FAF1: variants seen among roughly 807,000 people sequenced by gnomAD.
FAF1 encodes FAS-associated factor 1.
FAF1 carries 25 observed loss-of-function variants against 92.5 expected under a neutral mutation model. The observed-to-expected ratio is 0.27, with a 90% CI of 0.20 to 0.38. The LOEUF is 0.38. Among genes scored for constraint, FAF1 ranks in the 10% least tolerant of loss-of-function variants. The pLI is 1.00. For synonymous variants in FAF1, 234 were observed against 273.2 expected, an observed-to-expected ratio of 0.86 and a Z score of 1.42; for missense variants, 636 against 793.3, an observed-to-expected ratio of 0.80 and a Z score of 2.38.
At chr1:50,803,056 TGAC>T (rs1201471065) in intron 2 of FAF1, among the ~76,000 whole-genome samples, 1 of 152,228 alleles carries the variant, frequency 6.6e-6, no homozygotes, top group Non-Finnish European at 1.5e-5. Context: ...CACAGAACCC[TGAC>T]GACTCTGGAG....
chr1:50,446,990 C>CTTTTTTTTTTTTTTTTTTTTTTTGAG (rs1572746894), intron 18 of FAF1, among the ~76,000 whole-genome samples: 5 of 151,218 alleles, frequency 3.3e-5, no homozygotes, highest in Non-Finnish European at 7.4e-5. Context: ...TAATAATTTT[C>CTTTTTTTTTTTTTTTTTTTTTTTGAG]ATAGTAACTC....
chr1:50,895,708 T>C (rs1473122521), intron 1 of FAF1, among the ~76,000 whole-genome samples: 1 of 152,196 alleles, frequency 6.6e-6, no homozygotes. Flanking sequence ...CAAGTGATAT[T>C]TATCCCAGAG....
intron 6 of FAF1, among the ~76,000 whole-genome samples, chr1:50,728,194 T>G (rs948511576): frequency 6.6e-6 from 1 of 152,118 alleles, no homozygotes; most frequent in Admixed American, 6.5e-5. Context: ...CTGTTTTAGA[T>G]AGGGGCATCA....
At chr1:50,706,920 T>G (rs1416558081) in intron 6 of FAF1, among the ~76,000 whole-genome samples, 1 of 152,156 alleles carries the variant, frequency 6.6e-6, no homozygotes, top group African/African-American at 2.4e-5. Context: ...ATTAGACAGA[T>G]AGGACGGGCA....
chr1:50,520,258 T>C lies in FAF1; in HGVS notation c.1494+15111A>G, dbSNP rs547026480. Among the ~76,000 whole-genome samples the C allele has an allele frequency of 2.4e-4, 36 of 152,314 alleles. No individual in the cohort carries two copies. The South Asian group carries it at 3.9e-3, about 17-fold the overall frequency. ...AGAATAACCAGGGTCAAGGCAAATC[T>C]GTAACTGGAAGAAAAATGCCAGATA... On this transcript the variant is annotated intron_variant, in intron 15 of 18. Coordinates refer to ENST00000396153, the MANE Select transcript of FAF1 (RefSeq NM_007051.3).
At chr1:50,804,080 A>C (rs2124596114) in intron 2 of FAF1, among the ~76,000 whole-genome samples, 1 of 152,306 alleles carries the variant, frequency 6.6e-6, no homozygotes, top group Middle Eastern at 3.4e-3. Flanking sequence ...ACAGGAGAAT[A>C]TCAATTGTTC....
intron 18 of FAF1, among the ~76,000 whole-genome samples, chr1:50,468,588 T>C (rs1200111222): frequency 6.6e-6 from 1 of 151,980 alleles, no homozygotes; most frequent in Non-Finnish European, 1.5e-5. Flanking sequence ...GCCTCCCAAG[T>C]AGCTGGGATT....
intron 8 of FAF1, among the ~76,000 whole-genome samples, chr1:50,598,463 A>T (rs930631474): frequency 1.0e-4 from 10 of 98,290 alleles, no homozygotes; most frequent in East Asian, 5.6e-4. Flanking sequence ...ACCTGTCTTT[A>T]AAAAAAAAAA....
At chr1:50,912,600 C>G (rs1644893621) in intron 1 of FAF1, among the ~76,000 whole-genome samples, 1 of 152,184 alleles carries the variant, frequency 6.6e-6, no homozygotes, top group Non-Finnish European at 1.5e-5. Context: ...TCACAACCTA[C>G]ACAGATGCTT....
At chr1:50,625,042 C>T (rs1209542909) in intron 8 of FAF1, among the ~76,000 whole-genome samples, 1 of 151,868 alleles carries the variant, frequency 6.6e-6, no homozygotes, top group Non-Finnish European at 1.5e-5. Context: ...GCTGGGATTA[C>T]AGGCGTGCAC....
intron 7 of FAF1, among the ~76,000 whole-genome samples, chr1:50,692,372 G>A (rs936971624): frequency 1.3e-4 from 19 of 150,988 alleles, no homozygotes; most frequent in Non-Finnish European, 2.4e-4. Context: ...CCTGCTGTAC[G>A]AAAGACCATT....
At chr1:50,489,726 A>G (rs1299669844) in intron 17 of FAF1, among the ~76,000 whole-genome samples, 3 of 152,208 alleles carry the variant, frequency 2.0e-5, no homozygotes, top group South Asian at 2.1e-4. Flanking sequence ...GAAAAAATCA[A>G]TGAAGCTAAA....
chr1:50,615,645 A>C, intron 8 of FAF1, among the ~76,000 whole-genome samples: 1 of 151,882 alleles, frequency 6.6e-6, no homozygotes, highest in Non-Finnish European at 1.5e-5. Context: ...TATGTTTGTT[A>C]GCTGCTTATA....
chr1:50,702,073 C>T (rs1657498304), intron 7 of FAF1, among the ~76,000 whole-genome samples: 2 of 152,106 alleles, frequency 1.3e-5, no homozygotes, highest in South Asian at 4.1e-4. Flanking sequence ...ATGACATCTA[C>T]AAAGAAAACA....
chr1:50,537,114 C>G (rs986712490), intron 14 of FAF1, among the ~76,000 whole-genome samples: 1 of 152,042 alleles, frequency 6.6e-6, no homozygotes, highest in Non-Finnish European at 1.5e-5. Flanking sequence ...TATTATTGGG[C>G]AAGTCTCTGG....
At chr1:50,696,787 T>A (rs1657252410) in intron 7 of FAF1, among the ~76,000 whole-genome samples, 1 of 152,186 alleles carries the variant, frequency 6.6e-6, no homozygotes, top group Non-Finnish European at 1.5e-5. Context: ...TTCTTTTCCA[T>A]CAAGCGTCCA....
intron 8 of FAF1, among the ~76,000 whole-genome samples, chr1:50,638,498 G>A (rs1381083933): frequency 1.4e-5 from 2 of 145,866 alleles, no homozygotes; most frequent in African/African-American, 5.1e-5. Flanking sequence ...AGGCTGGAGT[G>A]CAGTGGCGCA....
chr1:50,646,930 C>T (rs1195844408), intron 8 of FAF1, among the ~76,000 whole-genome samples: 1 of 152,218 alleles, frequency 6.6e-6, no homozygotes, highest in Non-Finnish European at 1.5e-5. Flanking sequence ...ACTGCAACCT[C>T]CGCCTCCTAG....
At chr1:50,514,513 T>G (rs1043914786) in intron 15 of FAF1, among the ~76,000 whole-genome samples, 1 of 152,224 alleles carries the variant, frequency 6.6e-6, no homozygotes, top group Non-Finnish European at 1.5e-5. Flanking sequence ...TACCTGGTTA[T>G]TTTTGTAAAC....
Sources: gnomAD v4.1 joint callset for allele counts (sites outside exome capture counted in the v4.1 genomes callset) on GRCh38, gnomAD v4.1.1 for gene constraint, MANE v1.5 for transcripts, NCBI Gene and HGNC (gene_info 2026-07-23, HGNC 2026-07-21) for gene names.